Variants in PLCB1 observed in about 807,000 individuals in gnomAD.
PLCB1 encodes 1-phosphatidylinositol 4,5-bisphosphate phosphodiesterase beta-1.
PLCB1 carries 46 observed loss-of-function variants against 161.8 expected under a neutral mutation model. That is an observed-to-expected ratio of 0.28 (90% CI 0.22 to 0.36). The LOEUF is 0.36. PLCB1 is among the 10% of genes least tolerant of loss of function. The pLI is 1.00. For missense variants in PLCB1, 1,016 were observed against 1,472.5 expected, an observed-to-expected ratio of 0.69 and a Z score of 5.07; for synonymous variants, 517 against 503.7, an observed-to-expected ratio of 1.03 and a Z score of -0.35.
chr20:8,510,390 T>C lies in PLCB1; in HGVS notation c.247-117904T>C, dbSNP rs980119384. 2.3e-3 allele frequency among the ~76,000 whole-genome samples: 341 copies of C among 149,846 alleles called. 1 individual carries two copies. The highest frequency in any genetic ancestry group is 3.6e-3 in the Non-Finnish European group (242 of 67,358). ...TCTTTTTCTTTTCTTTTTCTTTTTT[T>C]TTTTTTTTTTTTAAGATGGAGTTTC... On this transcript the variant is annotated intron_variant, in intron 3 of 31. Transcript: ENST00000338037.
At chr20:8,312,437 G>C (rs1984449163) in intron 2 of PLCB1, among the ~76,000 whole-genome samples, 2 of 152,076 alleles carry the variant, frequency 1.3e-5, no homozygotes, top group African/African-American at 4.8e-5. Context: ...CCTTCAAAGA[G>C]ATCAAGGCTT....
At chr20:8,692,558 T>C (rs1200650104) in intron 10 of PLCB1, among the ~76,000 whole-genome samples, 1 of 152,196 alleles carries the variant, frequency 6.6e-6, no homozygotes, top group Non-Finnish European at 1.5e-5. Flanking sequence ...CTGAAAGTAA[T>C]AGGATGCTAT....
intron 25 of PLCB1, among the ~76,000 whole-genome samples, chr20:8,764,772 T>G: frequency 6.6e-6 from 1 of 152,164 alleles, no homozygotes; most frequent in East Asian, 1.9e-4. Flanking sequence ...TCCATCCTTC[T>G]GAGACCACAC....
chr20:8,408,697 G>C (rs991222375), intron 3 of PLCB1, among the ~76,000 whole-genome samples: 1 of 152,164 alleles, frequency 6.6e-6, no homozygotes, highest in Admixed American at 6.5e-5. Flanking sequence ...TAGCATTTTT[G>C]TCTGAGTAGC....
chr20:8,460,231 C>T (rs1981515830), intron 3 of PLCB1, among the ~76,000 whole-genome samples: 1 of 152,148 alleles, frequency 6.6e-6, no homozygotes, highest in South Asian at 2.1e-4. Flanking sequence ...TTCATATTGA[C>T]ATCATCCAGT....
chr20:8,741,534 T>C lies in PLCB1; in HGVS notation c.2484T>C (p.Ala828=), dbSNP rs1239011760. ...TGGAACAGAGAGCTAAGCAATTGGCTGCTTTGACACTGGAAGATGAAGAAG... is the reference window on the plus strand; with the variant it reads ...TGGAACAGAGAGCTAAGCAATTGGCCGCTTTGACACTGGAAGATGAAGAAG... ...NLMEQRAKQL[A]ALTLEDEEEV... is the part of the protein sequence containing the mutation. The change falls in exon 23 of 32, where the codon GCT becomes GCC. Residue 828 remains alanine, a synonymous_variant. Transcript: ENST00000338037. 2 of 1,613,592 alleles carry C rather than the reference T, an allele frequency of 1.2e-6. No individual in the cohort carries two copies. The highest frequency in any genetic ancestry group is 1.3e-5 in the African/African-American group (1 of 74,936).
intron 3 of PLCB1, among the ~76,000 whole-genome samples, chr20:8,484,365 C>CTT (rs777998571): frequency 2.1e-5 from 3 of 141,688 alleles, no homozygotes; most frequent in African/African-American, 7.8e-5. Context: ...TCTTCTTCTT[C>CTT]TTTTTTTTTT....
At chr20:8,455,761 A>C (rs1346906361) in intron 3 of PLCB1, among the ~76,000 whole-genome samples, 1 of 152,074 alleles carries the variant, frequency 6.6e-6, no homozygotes, top group Non-Finnish European at 1.5e-5. Context: ...GGTTGGGAGA[A>C]TGTGAGGAGG....
chr20:8,589,444 A>G (rs1250305034), intron 3 of PLCB1, among the ~76,000 whole-genome samples: 1 of 151,936 alleles, frequency 6.6e-6, no homozygotes, highest in Admixed American at 6.6e-5. Context: ...AAACAACACA[A>G]ATTTATTTCT....
intron 2 of PLCB1, among the ~76,000 whole-genome samples, chr20:8,284,432 TTTATTTC>T (rs986860076): frequency 2.0e-5 from 3 of 152,138 alleles, no homozygotes; most frequent in African/African-American, 7.2e-5. Context: ...TGGCCTGAGT[TTTATTTC>T]TTTGTAAGAA....
intron 3 of PLCB1, among the ~76,000 whole-genome samples, chr20:8,413,103 C>T (rs1325209594): frequency 6.6e-6 from 1 of 151,976 alleles, no homozygotes; most frequent in Admixed American, 6.6e-5. Context: ...TTAATGTTTA[C>T]TTTGTTTTCA....
At position 8,329,066 on chromosome 20, in the gene PLCB1, T is replaced by G. The variant is rs141759694; in HGVS notation, c.178-42316T>G. ...ATTACTATGACTCAATTGGTTAGTT[T>G]GAGGAGGTCTTAAATGACAAAATTT... is the stretch of plus-strand genomic sequence containing the variant. On this transcript the variant is annotated intron_variant, in intron 2 of 31. Transcript: ENST00000338037. 1.5e-3 allele frequency among the ~76,000 whole-genome samples: 231 copies of G among 152,306 alleles called. No homozygotes were observed. The Middle Eastern group carries it at 0.017, about 11-fold the overall frequency.
At chr20:8,185,747 AT>A (rs1437024825) in intron 2 of PLCB1, among the ~76,000 whole-genome samples, 1 of 152,166 alleles carries the variant, frequency 6.6e-6, no homozygotes, top group Non-Finnish European at 1.5e-5. Context: ...ACAAAAAAGA[AT>A]GTTAAAGCAT....
chr20:8,215,645 T>G (rs1388591020), intron 2 of PLCB1, among the ~76,000 whole-genome samples: 1 of 152,028 alleles, frequency 6.6e-6, no homozygotes, highest in East Asian at 1.9e-4. Flanking sequence ...CATTTAGAGT[T>G]TTTGTACGTC....
At chr20:8,531,591 G>C (rs1240320832) in intron 3 of PLCB1, among the ~76,000 whole-genome samples, 1 of 152,030 alleles carries the variant, frequency 6.6e-6, no homozygotes, top group African/African-American at 2.4e-5. Flanking sequence ...ATGTAGAGTT[G>C]ATAAAAATTA....
At chr20:8,293,014 T>C (rs541998122) in intron 2 of PLCB1, among the ~76,000 whole-genome samples, 2 of 152,210 alleles carry the variant, frequency 1.3e-5, no homozygotes, top group East Asian at 3.9e-4. Flanking sequence ...ATGTTTTGAT[T>C]GACACTGTGG....
chr20:8,271,834 C>T (rs1298814446), intron 2 of PLCB1, among the ~76,000 whole-genome samples: 2 of 152,060 alleles, frequency 1.3e-5, no homozygotes, highest in Non-Finnish European at 2.9e-5. Flanking sequence ...TAAGGTAACC[C>T]TGGTGTAATG....
chr20:8,685,084 A>G lies in PLCB1; in HGVS notation c.1009+6A>G. The G allele has an allele frequency of 6.2e-7, 1 of 1,612,806 alleles. No individual in the cohort carries two copies. The highest frequency in any genetic ancestry group is 8.5e-7 in the Non-Finnish European group (1 of 1,178,994). On this transcript the variant is annotated splice_donor_region_variant and intron_variant, in intron 10 of 31. Coordinates refer to ENST00000338037, the MANE Select transcript of PLCB1 (RefSeq NM_015192.4). ...GCACAACACCTACCTCACAGGTATG[A>G]ATTTTCTAGTTCTTTGTTACTTTAG...
chr20:8,514,217 AT>A (rs1459675864), intron 3 of PLCB1, among the ~76,000 whole-genome samples: 2 of 152,034 alleles, frequency 1.3e-5, no homozygotes, highest in Non-Finnish European at 2.9e-5. Context: ...AGGTGGGCAG[AT>A]TGCCTGAGCT....
Sources: gnomAD v4.1 joint callset for allele counts (sites outside exome capture counted in the v4.1 genomes callset) on GRCh38, gnomAD v4.1.1 for gene constraint, MANE v1.5 for transcripts, NCBI Gene and HGNC (gene_info 2026-07-23, HGNC 2026-07-21) for gene names.